The following CLMN variants were observed in gnomAD, a reference collection of about 807,000 sequenced individuals.
The protein encoded by CLMN is calmin, also known as calmin (calponin-like, transmembrane).
Under a neutral mutation model 92.7 loss-of-function variants are expected in CLMN, and 57 were observed. The ratio of observed to expected loss-of-function variants is 0.61; its 90% CI spans 0.50 to 0.77. The LOEUF (loss-of-function observed/expected upper bound fraction) is 0.77. Ranked by LOEUF, CLMN falls within the 30% of genes least tolerant of loss-of-function variation. The pLI is 0.00. For synonymous variants in CLMN, 466 were observed against 470.6 expected (o/e 0.99, Z 0.13); for missense variants, 1,158 against 1,237.5 (o/e 0.94, Z 0.96).
intron 8 of CLMN, among the ~76,000 whole-genome samples, chr14:95,205,716 T>C (rs181807545): frequency 9.8e-4 from 149 of 152,174 alleles, no homozygotes; most frequent in African/African-American, 3.1e-3. Flanking sequence ...ATGTAAAATA[T>C]GCATTGTACT....
intron 1 of CLMN, among the ~76,000 whole-genome samples, chr14:95,281,206 C>T (rs929421170): frequency 2.0e-5 from 3 of 152,290 alleles, no homozygotes; most frequent in East Asian, 1.9e-4. Context: ...CAAGTATTTA[C>T]GGACACAGTT....
At chr14:95,205,772 G>A (rs189860149) in intron 8 of CLMN, among the ~76,000 whole-genome samples, 74 of 152,220 alleles carry the variant, frequency 4.9e-4, no homozygotes, top group African/African-American at 1.7e-3. Context: ...TGTTAAAGAT[G>A]AGTATTATAA....
chr14:95,244,269 C>T (rs1898374686), intron 1 of CLMN, among the ~76,000 whole-genome samples: 1 of 152,210 alleles, frequency 6.6e-6, no homozygotes, highest in Admixed American at 6.5e-5. Context: ...CAGCCAGAGT[C>T]TACTTGAATG....
chr14:95,234,792 G>T (rs1281914506), intron 1 of CLMN, among the ~76,000 whole-genome samples: 1 of 152,174 alleles, frequency 6.6e-6, no homozygotes, highest in African/African-American at 2.4e-5. Flanking sequence ...ATGGGAGGTG[G>T]GACATTCCTC....
At position 95,256,239 on chromosome 14, in the gene CLMN, A is replaced by G. The variant is rs1898994344; in HGVS notation, c.83-26106T>C. 2.0e-5 allele frequency among the ~76,000 whole-genome samples: 3 copies of G among 152,282 alleles called. No homozygotes were observed. The South Asian group carries it at 6.2e-4, about 32-fold the overall frequency. ...GCCCGCCACCCACTCCTCGGCACCC[A>G]GTTGGGAAGGACTTCACAGCACTCC... On this transcript the variant is annotated intron_variant, in intron 1 of 12. Transcript: ENST00000298912. This position sits in a 1 kb window ranked among gnomAD's most constrained non-coding sequence, Gnocchi z 4.9.
At chr14:95,221,121 A>C (rs772073176) in intron 4 of CLMN, among the ~76,000 whole-genome samples, 24 of 152,062 alleles carry the variant, frequency 1.6e-4, no homozygotes, top group Non-Finnish European at 3.1e-4. Context: ...ACCCGGATTG[A>C]TTGGTGAAAC....
rs2140558733 is a variant in CLMN, at chr14:95,194,424, G to A, written c.2769+112C>T. 6.3e-7 allele frequency: 1 copy of A among 1,578,500 alleles called. No individual in the cohort carries two copies. The highest frequency in any genetic ancestry group is 8.6e-7 in the Non-Finnish European group (1 of 1,161,326). On this transcript the variant is annotated intron_variant, in intron 11 of 12. Transcript: ENST00000298912. The surrounding 1 kb of genome is among the most constrained non-coding windows in gnomAD (Gnocchi z 4.0). ...CAATCTGCTTGTCTTCTATCCAAAA[G>A]TATAGCTGTTGCATGCCAGTAATTT...
chr14:95,295,922 A>G (rs1178010820), intron 1 of CLMN, among the ~76,000 whole-genome samples: 1 of 152,224 alleles, frequency 6.6e-6, no homozygotes, highest in Non-Finnish European at 1.5e-5. Flanking sequence ...CCTTGTTGTA[A>G]CAAATTGCCA....
At chr14:95,242,709 A>C (rs1361159390) in intron 1 of CLMN, among the ~76,000 whole-genome samples, 1 of 152,184 alleles carries the variant, frequency 6.6e-6, no homozygotes, top group Non-Finnish European at 1.5e-5. Flanking sequence ...CTGGGACTAC[A>C]GGCGCATGCC....
intron 9 of CLMN, among the ~76,000 whole-genome samples, chr14:95,196,930 A>G (rs910622279): frequency 7.9e-5 from 12 of 152,226 alleles, no homozygotes; most frequent in Non-Finnish European, 1.5e-4. Context: ...TTAAAACAAT[A>G]TAGGTTCTAG....
At chr14:95,276,835 T>TC (rs1899948806) in intron 1 of CLMN, among the ~76,000 whole-genome samples, 1 of 152,236 alleles carries the variant, frequency 6.6e-6, no homozygotes, top group Non-Finnish European at 1.5e-5. Context: ...CGCATATTTT[T>TC]CTCTGGCCAA....
At chr14:95,317,487 G>C (rs1292495572) in intron 1 of CLMN, among the ~76,000 whole-genome samples, 1 of 151,952 alleles carries the variant, frequency 6.6e-6, no homozygotes, top group African/African-American at 2.4e-5. Context: ...TCCCTCAACA[G>C]GTGAATGAAT....
intron 8 of CLMN, among the ~76,000 whole-genome samples, chr14:95,208,107 T>C (rs1370035422): frequency 1.3e-5 from 2 of 151,796 alleles, no homozygotes; most frequent in Admixed American, 1.3e-4. Flanking sequence ...AGCTCCCCTC[T>C]CCTGCAAGCA....
chr14:95,264,465 G>C (rs1899389096), intron 1 of CLMN, among the ~76,000 whole-genome samples: 1 of 152,090 alleles, frequency 6.6e-6, no homozygotes, highest in Non-Finnish European at 1.5e-5. Context: ...TTAAGCTCAG[G>C]GAGAATCACA....
intron 8 of CLMN, among the ~76,000 whole-genome samples, chr14:95,206,844 C>CA (rs1275811281): frequency 1.3e-5 from 2 of 152,216 alleles, no homozygotes; most frequent in Non-Finnish European, 2.9e-5. Flanking sequence ...TAGTTGATTT[C>CA]AAACTCTGCC....
Position 95,210,848 on chromosome 14 carries a change from T to G in CLMN, c.640A>C (p.Ser214Arg). The G allele has an allele frequency of 6.4e-7, 1 of 1,559,258 alleles. No homozygotes were observed. The change falls in exon 7 of 13, where the codon AGT (serine) becomes CGT (arginine). Residue 214 changes from serine (S) to arginine (R), a missense_variant. Physicochemically the swap from Ser to Arg is moderately radical, Grantham distance 110. Transcript: ENST00000298912. ...AGGAAAGCCAGCCCACTCCTCCAACTGCCCGCAAAGTCCTGCACCGCCACG... is the reference window on the plus strand; with the variant it reads ...AGGAAAGCCAGCCCACTCCTCCAACGGCCCGCAAAGTCCTGCACCGCCACG... ...YGVAVQDFAG[S>R]WRSGLAFLAV...
At chr14:95,301,280 C>T (rs1015303256) in intron 1 of CLMN, among the ~76,000 whole-genome samples, 18 of 152,234 alleles carry the variant, frequency 1.2e-4, no homozygotes, top group African/African-American at 4.1e-4. Context: ...TGGAGAAACA[C>T]AGCTCCCCCT....
At chr14:95,244,385 C>G (rs1303585608) in intron 1 of CLMN, among the ~76,000 whole-genome samples, 1 of 152,180 alleles carries the variant, frequency 6.6e-6, no homozygotes, top group Non-Finnish European at 1.5e-5. Flanking sequence ...GTCACCCTCA[C>G]ACTCCCAATT....
At position 95,272,239 on chromosome 14, in the gene CLMN, C is replaced by G. The variant is rs8004373; in HGVS notation, c.83-42106G>C. Among the ~76,000 whole-genome samples the G allele has an allele frequency of 3.2e-4, 48 of 152,052 alleles. No homozygotes were observed. In the South Asian group the frequency reaches 1.0e-2, roughly 32 times the overall value. The stretch of plus-strand genomic sequence containing the variant: ...CTCTGGAGAAAGGCAGACACTGAGC[C>G]GGAGGAGGAGCCTGCCAGGAGGGTG... On this transcript the variant is annotated intron_variant, in intron 1 of 12. Transcript: ENST00000298912.
Sources: gnomAD v4.1 joint callset for allele counts (sites outside exome capture counted in the v4.1 genomes callset) on GRCh38, gnomAD v4.1.1 for gene constraint, Gnocchi (gnomAD v3.1) non-coding constraint, MANE v1.5 for transcripts, NCBI Gene and HGNC (gene_info 2026-07-23, HGNC 2026-07-21) for gene names.